CENPP: variants seen among roughly 807,000 people sequenced by gnomAD.
CENPP encodes centromere protein P.
CENPP carries 24 observed loss-of-function variants against 35.6 expected under a neutral mutation model. That is an observed-to-expected ratio of 0.67 (90% CI 0.49 to 0.95). CENPP has a LOEUF of 0.95. Among genes scored for constraint, CENPP ranks in the 40% least tolerant of loss-of-function variants. The pLI is 0.00. For missense variants in CENPP, 332 were observed against 345.3 expected, an observed-to-expected ratio of 0.96 and a Z score of 0.31; for synonymous variants, 120 against 125.5, an observed-to-expected ratio of 0.96 and a Z score of 0.29.
intron 5 of CENPP, among the ~76,000 whole-genome samples, chr9:92,402,354 A>T (rs543227850): frequency 1.3e-5 from 2 of 152,200 alleles, no homozygotes; most frequent in Non-Finnish European, 2.9e-5. Flanking sequence ...GAAAGTAGCA[A>T]TTATAACTGG....
intron 5 of CENPP, among the ~76,000 whole-genome samples, chr9:92,436,647 C>T (rs1317637885): frequency 6.6e-6 from 1 of 152,060 alleles, no homozygotes; most frequent in Non-Finnish European, 1.5e-5. Context: ...ACTGTCTTTC[C>T]TTCAGTAATT....
At chr9:92,571,917 T>C (rs1278736610) in intron 5 of CENPP, among the ~76,000 whole-genome samples, 3 of 151,054 alleles carry the variant, frequency 2.0e-5, no homozygotes, top group Non-Finnish European at 4.4e-5. Flanking sequence ...CTTTTTTTTT[T>C]TTTTTTTGTT....
At chr9:92,601,697 C>G (rs969361923) in intron 5 of CENPP, among the ~76,000 whole-genome samples, 6 of 152,188 alleles carry the variant, frequency 3.9e-5, no homozygotes, top group African/African-American at 1.2e-4. Flanking sequence ...TGGGAGGGGA[C>G]AGCAGGCACT....
intron 5 of CENPP, among the ~76,000 whole-genome samples, chr9:92,416,274 A>G (rs1843609522): frequency 6.6e-6 from 1 of 150,948 alleles, no homozygotes; most frequent in East Asian, 1.9e-4. Context: ...TAATTTTTCT[A>G]TTTTTGGTAG....
intron 5 of CENPP, chr9:92,459,532 CCTTGCTGCTTA>C: frequency 8.6e-7 from 1 of 1,161,606 alleles, no homozygotes; most frequent in Non-Finnish European, 1.2e-6. Context: ...TTTGAATCAC[CCTTGCTGCTTA>C]CTTGGTCTTT....
At chr9:92,425,593 G>A (rs1390873718) in intron 5 of CENPP, among the ~76,000 whole-genome samples, 1 of 152,144 alleles carries the variant, frequency 6.6e-6, no homozygotes, top group Non-Finnish European at 1.5e-5. Context: ...GAATCCTGGA[G>A]TTCATTTTGT....
chr9:92,563,620 G>T (rs1309571943), intron 5 of CENPP, among the ~76,000 whole-genome samples: 1 of 152,142 alleles, frequency 6.6e-6, no homozygotes, highest in Admixed American at 6.5e-5. Context: ...TGGTTTAGCA[G>T]CATTTAACAC....
chr9:92,554,090 C>T (rs1849668269), intron 5 of CENPP, among the ~76,000 whole-genome samples: 1 of 151,888 alleles, frequency 6.6e-6, no homozygotes. Context: ...CCTTGTGTGC[C>T]GATTTTGTTG....
intron 5 of CENPP, chr9:92,515,108 T>C (rs769007025): frequency 6.2e-7 from 1 of 1,613,986 alleles, no homozygotes. Flanking sequence ...GGCAGTTGCT[T>C]ATGAAGTAAA....
chr9:92,339,915 G>A (rs1841057927), intron 3 of CENPP: 1 of 153,696 alleles, frequency 6.5e-6, no homozygotes, highest in Non-Finnish European at 1.5e-5. Flanking sequence ...TTTCTTTGTG[G>A]CTGATGTGAA....
intron 4 of CENPP, among the ~76,000 whole-genome samples, chr9:92,372,281 G>A (rs763512654): frequency 2.0e-5 from 3 of 151,738 alleles, no homozygotes; most frequent in Non-Finnish European, 4.4e-5. Flanking sequence ...TGTAAGCAGT[G>A]TCTAGGTGGA....
intron 5 of CENPP, among the ~76,000 whole-genome samples, chr9:92,436,949 C>G (rs1317291652): frequency 6.6e-6 from 1 of 152,122 alleles, no homozygotes; most frequent in African/African-American, 2.4e-5. Flanking sequence ...CTTGTAATCC[C>G]AGCACTTTGG....
At chr9:92,387,053 G>GAAAAAAA (rs903436031) in intron 5 of CENPP, among the ~76,000 whole-genome samples, 11 of 50,108 alleles carry the variant, frequency 2.2e-4, no homozygotes, top group South Asian at 6.9e-4. Flanking sequence ...GTCTCAAAAA[G>GAAAAAAA]AAAAAAAAAA....
intron 5 of CENPP, among the ~76,000 whole-genome samples, chr9:92,568,061 A>T (rs1349775455): frequency 1.3e-5 from 2 of 152,000 alleles, no homozygotes; most frequent in Admixed American, 6.6e-5. Flanking sequence ...GATTAGCAGA[A>T]TGTATTTTTC....
chr9:92,585,441 T>C (rs1032921128), intron 5 of CENPP, among the ~76,000 whole-genome samples: 1 of 152,216 alleles, frequency 6.6e-6, no homozygotes, highest in African/African-American at 2.4e-5. Context: ...TAGAATTTGT[T>C]TGTCTGTACC....
chr9:92,510,638 C>T (rs1847275269), intron 5 of CENPP, among the ~76,000 whole-genome samples: 1 of 152,220 alleles, frequency 6.6e-6, no homozygotes, highest in South Asian at 2.1e-4. Context: ...CAAACCTAGC[C>T]TGTACCCCCA....
At chr9:92,601,609 G>A (rs558238157) in intron 5 of CENPP, among the ~76,000 whole-genome samples, 1 of 152,310 alleles carries the variant, frequency 6.6e-6, no homozygotes, top group Non-Finnish European at 1.5e-5. Flanking sequence ...ATTAGGCCCG[G>A]GAAAGTCTCA....
At chr9:92,352,909 A>G (rs1406647703) in intron 4 of CENPP, among the ~76,000 whole-genome samples, 1 of 152,038 alleles carries the variant, frequency 6.6e-6, no homozygotes, top group Non-Finnish European at 1.5e-5. Context: ...TCTAGTTGAC[A>G]CTTAGTATTA....
chr9:92,520,019 C>T (rs776955087), intron 5 of CENPP, among the ~76,000 whole-genome samples: 5 of 88,020 alleles, frequency 5.7e-5, no homozygotes, highest in Non-Finnish European at 1.1e-4. Context: ...CAGTGGCTCT[C>T]GCTTGTAATT....
Sources: gnomAD v4.1 joint callset for allele counts (sites outside exome capture counted in the v4.1 genomes callset) on GRCh38, gnomAD v4.1.1 for gene constraint, MANE v1.5 for transcripts, NCBI Gene and HGNC (gene_info 2026-07-23, HGNC 2026-07-21) for gene names.